Variants in NECAB1 observed in about 807,000 individuals in gnomAD.
The protein encoded by NECAB1 is N-terminal EF-hand calcium-binding protein 1.
NECAB1 carries 29 observed loss-of-function variants against 57.5 expected under a neutral mutation model. The ratio of observed to expected loss-of-function variants is 0.50; its 90% CI spans 0.38 to 0.69. The LOEUF (loss-of-function observed/expected upper bound fraction) is 0.69. Among genes scored for constraint, NECAB1 ranks in the 30% least tolerant of loss-of-function variants. The pLI, the probability that NECAB1 is intolerant of heterozygous loss-of-function variation, is 0.00. For missense variants in NECAB1, 372 were observed against 413.8 expected (o/e 0.90, Z 0.88); for synonymous variants, 142 against 147.7 (o/e 0.96, Z 0.28).
chr8:90,886,542 T>C (rs1029448662), intron 5 of NECAB1, among the ~76,000 whole-genome samples: 2 of 151,710 alleles, frequency 1.3e-5, no homozygotes, highest in African/African-American at 4.9e-5. Flanking sequence ...TTTTTGTTTT[T>C]TGTATGTTTG....
At chr8:90,814,252 CAG>C (rs1188436267) in intron 2 of NECAB1, among the ~76,000 whole-genome samples, 3 of 152,306 alleles carry the variant, frequency 2.0e-5, no homozygotes, top group Admixed American at 6.5e-5. Flanking sequence ...AGAAAGACCA[CAG>C]AGGTAAAATG....
At chr8:90,815,060 C>G (rs1369671919) in intron 2 of NECAB1, among the ~76,000 whole-genome samples, 2 of 152,020 alleles carry the variant, frequency 1.3e-5, no homozygotes, top group African/African-American at 4.8e-5. Context: ...TTCTAGACTC[C>G]TGTCTTTGCT....
chr8:90,791,870 C>G lies in NECAB1; in HGVS notation c.-17C>G. 1 of 1,545,570 alleles carries G rather than the reference C, an allele frequency of 6.5e-7. No homozygotes were observed. The highest frequency in any genetic ancestry group is 8.7e-7 in the Non-Finnish European group (1 of 1,143,686). On this transcript the variant is annotated 5_prime_UTR_variant, in exon 1 of 13. Transcript: ENST00000417640. ...CGCCTAGCCCCGCTCCGCCTGAGGC[C>G]GTCAGGGCTCCCGAGGATGGAAGAT...
intron 1 of NECAB1, 146 bp from the exon 2 acceptor site, chr8:90,801,545 A>G: frequency 1.6e-6 from 1 of 630,528 alleles, no homozygotes. Flanking sequence ...GGTTTTAGAT[A>G]TTATAAAGAA....
intron 2 of NECAB1, among the ~76,000 whole-genome samples, chr8:90,822,582 C>T (rs1812159403): frequency 1.3e-5 from 2 of 151,728 alleles, no homozygotes; most frequent in Admixed American, 1.3e-4. Context: ...AGAGAATCAT[C>T]AGAGCCCTTA....
At chr8:90,923,301 G>C (rs757631154) in intron 6 of NECAB1, among the ~76,000 whole-genome samples, 11 of 152,202 alleles carry the variant, frequency 7.2e-5, no homozygotes, top group Non-Finnish European at 1.5e-4. Context: ...TAACAAAGGA[G>C]ATACTAACTG....
intron 3 of NECAB1, among the ~76,000 whole-genome samples, chr8:90,838,134 C>T (rs1267925863): frequency 6.6e-6 from 1 of 151,990 alleles, no homozygotes; most frequent in Non-Finnish European, 1.5e-5. Flanking sequence ...AATTATTATC[C>T]TTGTTGTATT....
chr8:90,841,496 C>A (rs890224512), intron 3 of NECAB1, among the ~76,000 whole-genome samples: 4 of 152,070 alleles, frequency 2.6e-5, no homozygotes, highest in African/African-American at 9.7e-5. Flanking sequence ...AACATAGTAT[C>A]GAGATGCATG....
At chr8:90,913,652 G>C (rs927565930) in intron 5 of NECAB1, among the ~76,000 whole-genome samples, 3 of 152,054 alleles carry the variant, frequency 2.0e-5, no homozygotes, top group Admixed American at 6.6e-5. Context: ...ATCTCTTTTT[G>C]TACCTTCGCT....
At chr8:90,873,624 A>G (rs1808659807) in intron 4 of NECAB1, among the ~76,000 whole-genome samples, 1 of 152,204 alleles carries the variant, frequency 6.6e-6, no homozygotes, top group Admixed American at 6.5e-5. Context: ...ATTCATTTAT[A>G]TCTATTTTTT....
chr8:90,797,556 CTACAAGT>C (rs1472667577), intron 1 of NECAB1, among the ~76,000 whole-genome samples: 1 of 152,086 alleles, frequency 6.6e-6, no homozygotes, highest in Non-Finnish European at 1.5e-5. Context: ...TTAACTATAA[CTACAAGT>C]TACTTAGGGA....
chr8:90,846,120 G>A lies in NECAB1; in HGVS notation c.233+21295G>A, dbSNP rs373509876. Among the ~76,000 whole-genome samples, 91 of 152,280 alleles carry A rather than the reference G, an allele frequency of 6.0e-4. 1 individual carries two copies. Among genetic ancestry groups the A allele is most frequent in the African/African-American group, 1.9e-3 (79 of 41,554 alleles). On this transcript the variant is annotated intron_variant, in intron 3 of 12. Transcript: ENST00000417640. The stretch of plus-strand genomic sequence containing the variant: ...ACCTTCATGCCAGCTTTAATGTAAT[G>A]CCGAACACAGCTGAGATGGTGTTTG...
In NECAB1 at chr8:90,956,459, A is replaced by G. The variant is rs991200691; in HGVS notation, c.*947A>G. On this transcript the variant is annotated 3_prime_UTR_variant, in exon 13 of 13. Transcript: ENST00000417640. ...GTAGTGAAAGTATTAGACAGAAGAC[A>G]TCTGTTTTCGAATTTCAACACTAGA... 8 of 151,974 alleles carry G rather than the reference A, an allele frequency of 5.3e-5. No homozygotes were observed. The highest frequency in any genetic ancestry group is 1.9e-4 in the African/African-American group (8 of 41,430). The allele number at this position is 151,974 out of a possible 1,614,324, so 9.4% of individuals were successfully genotyped here. A position where few individuals can be genotyped will look rare whatever the true frequency, so the allele number is the denominator to read the frequency against.
At chr8:90,844,815 G>C (rs952707493) in intron 3 of NECAB1, among the ~76,000 whole-genome samples, 3 of 152,158 alleles carry the variant, frequency 2.0e-5, no homozygotes, top group Non-Finnish European at 2.9e-5. Context: ...TCTTACACCT[G>C]GGTCTAGACT....
intron 6 of NECAB1, among the ~76,000 whole-genome samples, chr8:90,925,054 T>C (rs1810226594): frequency 6.6e-6 from 1 of 151,992 alleles, no homozygotes; most frequent in South Asian, 2.1e-4. Flanking sequence ...AAGTGTTGCC[T>C]TTTTGAAAGA....
chr8:90,833,998 A>G (rs1298177671), intron 3 of NECAB1, among the ~76,000 whole-genome samples: 1 of 151,868 alleles, frequency 6.6e-6, no homozygotes, highest in Admixed American at 6.6e-5. Context: ...CCCCACCTCT[A>G]TTAAAAATAC....
chr8:90,901,254 GT>G (rs1234244513), intron 5 of NECAB1, among the ~76,000 whole-genome samples: 1 of 149,156 alleles, frequency 6.7e-6, no homozygotes, highest in African/African-American at 2.5e-5. Flanking sequence ...AAAAAAAATG[GT>G]GTTTATAAAT....
chr8:90,810,856 T>C (rs752737503), intron 2 of NECAB1, among the ~76,000 whole-genome samples: 13 of 152,102 alleles, frequency 8.5e-5, no homozygotes, highest in Non-Finnish European at 1.8e-4. Context: ...AGGGGCATGG[T>C]GTTCGGGGAC....
intron 2 of NECAB1, among the ~76,000 whole-genome samples, chr8:90,813,679 A>G (rs539628282): frequency 3.9e-5 from 6 of 152,240 alleles, no homozygotes; most frequent in Non-Finnish European, 7.4e-5. Context: ...GGTGCACACC[A>G]CCACACCCAG....
Sources: allele counts gnomAD v4.1 joint callset (sites outside exome capture counted in the v4.1 genomes callset), GRCh38; gene constraint gnomAD v4.1.1; transcripts MANE v1.5; gene names NCBI Gene and HGNC (gene_info 2026-07-23, HGNC 2026-07-21).